The following RALGAPA1 variants were observed in gnomAD, a reference collection of about 807,000 sequenced individuals.
RALGAPA1 encodes ral GTPase-activating protein subunit alpha-1.
Under a neutral mutation model 269.6 loss-of-function variants are expected in RALGAPA1, and 52 were observed. The ratio of observed to expected loss-of-function variants is 0.19; its 90% confidence interval spans 0.15 to 0.24. RALGAPA1 has a LOEUF of 0.24. Among genes scored for constraint, RALGAPA1 ranks in the 10% least tolerant of loss-of-function variants. The probability of loss-of-function intolerance (pLI) is 1.00; values close to 1 mark genes in which losing one functional copy is unlikely to be tolerated. For synonymous variants in RALGAPA1, 817 were observed against 1,008.3 expected, an observed-to-expected ratio of 0.81 and a Z score of 3.60; for missense variants, 1,917 against 3,013.9, an observed-to-expected ratio of 0.64 and a Z score of 8.52.
chr14:35,673,667 G>A (rs1471860662), intron 24 of RALGAPA1, among the ~76,000 whole-genome samples: 4 of 151,992 alleles, frequency 2.6e-5, no homozygotes, highest in Non-Finnish European at 5.9e-5. Context: ...TGCAACCTCC[G>A]CCTCCTATGT....
chr14:35,541,171 GA>G (rs2053957064), intron 41 of RALGAPA1, among the ~76,000 whole-genome samples: 2 of 149,238 alleles, frequency 1.3e-5, no homozygotes, highest in South Asian at 4.2e-4. Context: ...TCAGCCTCTT[GA>G]GTAGCTGGGA....
rs1049516013 is a variant in RALGAPA1 at position 35,567,481 on chromosome 14, A to G, written c.7496+3136T>C. Among the ~76,000 whole-genome samples, 9 of 152,238 alleles carry G rather than the reference A, an allele frequency of 5.9e-5. No individual in the cohort carries two copies. In the South Asian group the frequency reaches 1.0e-3, roughly 18 times the overall value. ...TTACAACAATTCTGAGATGGTTATT[A>G]GCATCTTTTTTACTGCTGAAGAAAG... On this transcript the variant is annotated intron_variant, in intron 39 of 41. Coordinates refer to ENST00000680220, the MANE Select transcript of RALGAPA1 (RefSeq NM_001346249.2).
intron 35 of RALGAPA1, among the ~76,000 whole-genome samples, chr14:35,623,542 C>G (rs1313486713): frequency 6.6e-6 from 1 of 152,004 alleles, no homozygotes; most frequent in Non-Finnish European, 1.5e-5. Context: ...GCTTCTCAAG[C>G]TATAAAGGTT....
chr14:35,654,866 C>A (rs2063072008), intron 29 of RALGAPA1, among the ~76,000 whole-genome samples: 1 of 152,104 alleles, frequency 6.6e-6, no homozygotes. Flanking sequence ...CAGAGGACTC[C>A]CCAATGGCAT....
At chr14:35,675,540 C>G (rs550380334) in intron 22 of RALGAPA1, among the ~76,000 whole-genome samples, 1 of 152,120 alleles carries the variant, frequency 6.6e-6, no homozygotes, top group South Asian at 2.1e-4. Context: ...ATTTTGCCTA[C>G]GAATACTGGC....
intron 39 of RALGAPA1, among the ~76,000 whole-genome samples, chr14:35,560,619 C>A (rs1334888949): frequency 6.6e-6 from 1 of 152,052 alleles, no homozygotes; most frequent in Admixed American, 6.6e-5. Flanking sequence ...GCATTAAGTT[C>A]TTGGTAGAAG....
chr14:35,765,310 T>C (rs2074055738), intron 4 of RALGAPA1, among the ~76,000 whole-genome samples: 1 of 152,284 alleles, frequency 6.6e-6, no homozygotes, highest in East Asian at 1.9e-4. Context: ...TTCTTCCAAA[T>C]TGCTTTGGCT....
Position 35,676,063 on chromosome 14 carries a change from T to A in RALGAPA1, c.4625-1354A>T, listed in dbSNP as rs576230193. On this transcript the variant is annotated intron_variant, in intron 22 of 41. Coordinates refer to ENST00000680220, the MANE Select transcript of RALGAPA1 (RefSeq NM_001346249.2). ...AAAACAAACAAAACACACTGAAGTG[T>A]TAACCATTATTGCTAATGCCTCCCT... 6.6e-5 allele frequency among the ~76,000 whole-genome samples: 10 copies of A among 152,300 alleles called. No individual in the cohort carries two copies. The South Asian group carries it at 1.5e-3, about 22-fold the overall frequency.
At chr14:35,662,256 G>T (rs573428768) in intron 27 of RALGAPA1, among the ~76,000 whole-genome samples, 1 of 152,144 alleles carries the variant, frequency 6.6e-6, no homozygotes, top group Non-Finnish European at 1.5e-5. Flanking sequence ...ATAAAGAGAG[G>T]CAAGAAGAGG....
At position 35,776,629 on chromosome 14, in the gene RALGAPA1, G is replaced by C. The variant is rs558528578; in HGVS notation, c.107-884C>G. On this transcript the variant is annotated intron_variant, in intron 1 of 41. Coordinates refer to ENST00000680220, the MANE Select transcript of RALGAPA1 (RefSeq NM_001346249.2). Reference sequence around the variant, plus strand: ...TATATGGCAGTTTAGAAACACAAGAGTACTTTCAAAGCTCAATAAAGCACA... The same window carrying C: ...TATATGGCAGTTTAGAAACACAAGACTACTTTCAAAGCTCAATAAAGCACA... Among the ~76,000 whole-genome samples the C allele has an allele frequency of 6.6e-5, 10 of 152,148 alleles. No homozygotes were observed. The East Asian group carries it at 1.7e-3, about 26-fold the overall frequency.
At chr14:35,723,441 A>C in intron 14 of RALGAPA1, 177 bp from the exon 15 acceptor site, 1 of 460,276 alleles carries the variant, frequency 2.2e-6, no homozygotes, top group Non-Finnish European at 3.9e-6. Context: ...AATCTACTAT[A>C]AATTTCATTT....
chr14:35,723,310 G>A (rs1181867247), intron 14 of RALGAPA1, 46 bp from the exon 15 acceptor site: 2 of 1,055,634 alleles, frequency 1.9e-6, no homozygotes, highest in South Asian at 3.5e-5. Flanking sequence ...TGTTTAGTGT[G>A]TGACTTCAAA....
At chr14:35,630,052 C>A (rs939679703) in intron 33 of RALGAPA1, among the ~76,000 whole-genome samples, 2 of 152,182 alleles carry the variant, frequency 1.3e-5, no homozygotes, top group East Asian at 1.9e-4. Context: ...AATAGTGTTA[C>A]ATTTTCAAGG....
intron 26 of RALGAPA1, among the ~76,000 whole-genome samples, chr14:35,668,311 C>T (rs1190509017): frequency 4.6e-5 from 7 of 151,776 alleles, no homozygotes; most frequent in Middle Eastern, 6.8e-3. Context: ...GGTGAAACCT[C>T]GTCTCTGCCA....
At chr14:35,691,649 T>C (rs968199105) in intron 17 of RALGAPA1, among the ~76,000 whole-genome samples, 3 of 152,220 alleles carry the variant, frequency 2.0e-5, no homozygotes, top group African/African-American at 7.2e-5. Context: ...TTGGGATCCA[T>C]GCTACTATGG....
At chr14:35,721,125 C>T (rs1159853187) in intron 16 of RALGAPA1, among the ~76,000 whole-genome samples, 2 of 152,158 alleles carry the variant, frequency 1.3e-5, no homozygotes, top group Non-Finnish European at 2.9e-5. Flanking sequence ...CGATTTTATG[C>T]CCAGAAATTG....
At chr14:35,606,031 T>C (rs1294255994) in intron 35 of RALGAPA1, among the ~76,000 whole-genome samples, 2 of 152,206 alleles carry the variant, frequency 1.3e-5, no homozygotes, top group African/African-American at 2.4e-5. Context: ...TGTGAATACA[T>C]AAGCATCTTA....
rs553459195 is a variant in RALGAPA1 at position 35,710,953 on chromosome 14, G to A, written c.2267-10651C>T. Among the ~76,000 whole-genome samples the A allele has an allele frequency of 4.6e-5, 7 of 152,274 alleles. No individual in the cohort carries two copies. In the East Asian group the frequency reaches 7.7e-4, roughly 17 times the overall value. On this transcript the variant is annotated intron_variant, in intron 16 of 41. Coordinates refer to ENST00000680220, the MANE Select transcript of RALGAPA1 (RefSeq NM_001346249.2). ...CCTAGGTTTCTGTAATACATTCTAC[G>A]ATGTTCGCACACTGAAGAAATCTCC... is the stretch of plus-strand genomic sequence containing the variant.
At chr14:35,786,840 C>CT (rs2141709354) in intron 1 of RALGAPA1, among the ~76,000 whole-genome samples, 1 of 152,168 alleles carries the variant, frequency 6.6e-6, no homozygotes, top group Admixed American at 6.5e-5. Context: ...TCCTTCATGT[C>CT]TTTTTTCAAA....
Sources: allele counts gnomAD v4.1 joint callset (sites outside exome capture counted in the v4.1 genomes callset), GRCh38; gene constraint gnomAD v4.1.1; transcripts MANE v1.5; gene names NCBI Gene and HGNC (gene_info 2026-07-23, HGNC 2026-07-21).